Variants in KCNJ1 observed in about 807,000 individuals in gnomAD.
The protein encoded by KCNJ1 is ATP-sensitive inward rectifier potassium channel 1.
Under a neutral mutation model 21.9 loss-of-function variants are expected in KCNJ1, and 24 were observed. The ratio of observed to expected loss-of-function variants is 1.10; its 90% CI spans 0.79 to 1.54. The LOEUF (loss-of-function observed/expected upper bound fraction) is 1.54. Ranked by LOEUF, KCNJ1 falls within the 40% of genes most tolerant of loss-of-function variation. KCNJ1 has a pLI of 0.00. For missense variants in KCNJ1, 457 were observed against 455.4 expected, an observed-to-expected ratio of 1.00 and a Z score of -0.03; for synonymous variants, 152 against 160.9, an observed-to-expected ratio of 0.94 and a Z score of 0.42.
intron 2 of KCNJ1, among the ~76,000 whole-genome samples, chr11:128,840,963 T>C (rs778266432): frequency 3.3e-5 from 5 of 152,228 alleles, no homozygotes; most frequent in Admixed American, 6.5e-5. Context: ...CCACTCCGTG[T>C]CTCAGTTATC....
intron 2 of KCNJ1, among the ~76,000 whole-genome samples, chr11:128,847,791 A>G (rs1251678961): frequency 6.6e-6 from 1 of 152,234 alleles, no homozygotes; most frequent in Non-Finnish European, 1.5e-5. Context: ...CATTTGCTGT[A>G]GTCAGAAATC....
intron 2 of KCNJ1, among the ~76,000 whole-genome samples, chr11:128,843,280 A>T (rs557940162): frequency 2.6e-5 from 4 of 152,300 alleles, no homozygotes; most frequent in African/African-American, 9.6e-5. Flanking sequence ...ATGAACTCTT[A>T]GGTGATTAGA....
intron 2 of KCNJ1, among the ~76,000 whole-genome samples, chr11:128,843,216 T>A (rs1362799441): frequency 1.3e-5 from 2 of 152,196 alleles, no homozygotes; most frequent in African/African-American, 4.8e-5. Flanking sequence ...CAGATCCTAC[T>A]TTTTTTAGAT....
At chr11:128,843,073 A>G (rs1943316308) in intron 2 of KCNJ1, among the ~76,000 whole-genome samples, 1 of 152,254 alleles carries the variant, frequency 6.6e-6, no homozygotes, top group African/African-American at 2.4e-5. Context: ...TGTTTTTTAC[A>G]TGCACTGGGT....
chr11:128,864,118 C>T (rs1337805206), intron 1 of KCNJ1, among the ~76,000 whole-genome samples: 5 of 130,216 alleles, frequency 3.8e-5, no homozygotes, highest in African/African-American at 1.5e-4. Context: ...AAGTCTCACC[C>T]TATCACCCAG....
chr11:128,846,800 C>T (rs1384102795), intron 2 of KCNJ1, among the ~76,000 whole-genome samples: 3 of 152,092 alleles, frequency 2.0e-5, no homozygotes, highest in Non-Finnish European at 4.4e-5. Context: ...GGAAGGTGAC[C>T]TCGTACTACC....
At chr11:128,842,655 A>T (rs985354294) in intron 2 of KCNJ1, 5 of 727,140 alleles carry the variant, frequency 6.9e-6, no homozygotes, top group Non-Finnish European at 1.1e-5. Flanking sequence ...ACATGGCTTG[A>T]ATACCAACAT....
Position 128,854,778 on chromosome 11 carries a change from G to A in KCNJ1, c.-191-3888C>T, listed in dbSNP as rs75119310. On this transcript the variant is annotated intron_variant, in intron 1 of 2. Coordinates refer to ENST00000392666, the MANE Select transcript of KCNJ1 (RefSeq NM_153766.3). ...CCTCTCAACATCCTAATCTGGATTA[G>A]CACAAATCGTAATGATCTGTTTGAT... Among the ~76,000 whole-genome samples the A allele has an allele frequency of 1.5e-4, 23 of 152,302 alleles. No homozygotes were observed. The East Asian group carries it at 3.1e-3, about 20-fold the overall frequency.
intron 2 of KCNJ1, among the ~76,000 whole-genome samples, chr11:128,850,296 A>G (rs1440762862): frequency 6.6e-6 from 1 of 152,106 alleles, no homozygotes; most frequent in Non-Finnish European, 1.5e-5. Flanking sequence ...CATTTAAATC[A>G]AGTTTCCTCT....
chr11:128,855,299 C>T (rs1943568201), intron 1 of KCNJ1, among the ~76,000 whole-genome samples: 3 of 152,194 alleles, frequency 2.0e-5, no homozygotes, highest in South Asian at 2.1e-4. Context: ...TCCCCAACAT[C>T]ATTTGAGTCC....
chr11:128,848,949 G>C (rs966786327), intron 2 of KCNJ1, among the ~76,000 whole-genome samples: 27 of 152,164 alleles, frequency 1.8e-4, no homozygotes, highest in Non-Finnish European at 2.9e-5. Flanking sequence ...GGCCAGAATG[G>C]GCTTCTGTAG....
intron 1 of KCNJ1, among the ~76,000 whole-genome samples, chr11:128,858,674 G>C (rs971929575): frequency 1.3e-5 from 2 of 152,080 alleles, no homozygotes; most frequent in African/African-American, 4.8e-5. Flanking sequence ...CGGTCTCCAG[G>C]GGTAAACTCA....
chr11:128,850,856 C>T lies in KCNJ1; in HGVS notation c.-157G>A. The T allele has an allele frequency of 1.0e-6, 1 of 985,400 alleles. No homozygotes were observed. The highest frequency in any genetic ancestry group is 1.2e-6 in the Non-Finnish European group (1 of 829,968). The allele number at this position is 985,400 out of a possible 1,614,324, so 61.0% of individuals were successfully genotyped here. On this transcript the variant is annotated 5_prime_UTR_variant, in exon 2 of 3. Transcript: ENST00000392666. ...CTTGTCACACTGTCTTTGTCAGGGC[C>T]CAGGATGGGGATGAAGGCACAGTAG...
chr11:128,860,142 T>G (rs1255188824), intron 1 of KCNJ1, among the ~76,000 whole-genome samples: 1 of 152,246 alleles, frequency 6.6e-6, no homozygotes, highest in Non-Finnish European at 1.5e-5. Flanking sequence ...CTCGGATTTC[T>G]CATCTGTCAG....
At chr11:128,864,411 T>C (rs1195073514) in intron 1 of KCNJ1, among the ~76,000 whole-genome samples, 4 of 152,176 alleles carry the variant, frequency 2.6e-5, no homozygotes, top group Non-Finnish European at 5.9e-5. Flanking sequence ...CTATCTTTTA[T>C]ATGTCTCTAC....
chr11:128,841,222 G>A (rs1027985874), intron 2 of KCNJ1, among the ~76,000 whole-genome samples: 1 of 152,146 alleles, frequency 6.6e-6, no homozygotes, highest in African/African-American at 2.4e-5. Context: ...CTCCAAAGCT[G>A]GAGGACTGGG....
intron 1 of KCNJ1, among the ~76,000 whole-genome samples, chr11:128,858,672 A>AG (rs1449770130): frequency 2.0e-5 from 3 of 152,226 alleles, no homozygotes; most frequent in Admixed American, 2.0e-4. Flanking sequence ...GGCGGTCTCC[A>AG]GGGGTAAACT....
intron 1 of KCNJ1, among the ~76,000 whole-genome samples, chr11:128,858,166 G>A (rs1354441747): frequency 2.7e-5 from 4 of 149,948 alleles, no homozygotes; most frequent in Non-Finnish European, 4.5e-5. Flanking sequence ...GAGGGATGGC[G>A]AGGGATGGCG....
chr11:128,839,847 G>A lies in KCNJ1; in HGVS notation c.397C>T (p.Gln133Ter). Residue 133 changes from glutamine (Q) to a stop codon, truncating the protein, a stop_gained, in exon 3 of 3, where the codon CAG becomes TAG. Transcript: ENST00000392666. LOFTEE classifies it high-confidence loss of function. ...IGYGFRCVTE[Q>*]CATAIFLLIF... ...AGCAGAAAAATGGCAGTGGCACACT[G>A]TTCTGTCACACACCTGAATCCATAT... 6.2e-7 allele frequency: 1 copy of A among 1,614,162 alleles called. No individual in the cohort carries two copies. Among genetic ancestry groups the A allele is most frequent in the Non-Finnish European group, 8.5e-7 (1 of 1,179,980 alleles).
Sources: gnomAD v4.1 joint callset for allele counts (sites outside exome capture counted in the v4.1 genomes callset) on GRCh38, gnomAD v4.1.1 for gene constraint, MANE v1.5 for transcripts, NCBI Gene and HGNC (gene_info 2026-07-23, HGNC 2026-07-21) for gene names.